The following CALCR variants were observed in gnomAD, a reference collection of about 807,000 sequenced individuals.
The protein encoded by CALCR is calcitonin receptor.
In CALCR, 47 loss-of-function variants were observed where a neutral mutation model predicts 59.5. That is an observed-to-expected ratio of 0.79 (90% confidence interval 0.63 to 1.01). CALCR has a LOEUF of 1.01. Among genes scored for constraint, CALCR ranks in the 50% least tolerant of loss-of-function variants. The pLI is 0.00. For synonymous variants in CALCR, 213 were observed against 211.3 expected (o/e 1.01, Z -0.07); for missense variants, 566 against 597.1 (o/e 0.95, Z 0.54).
intron 2 of CALCR, among the ~76,000 whole-genome samples, chr7:93,508,586 G>T (rs920224373): frequency 6.6e-6 from 1 of 152,084 alleles, no homozygotes; most frequent in Non-Finnish European, 1.5e-5. Context: ...TGGTCTAATG[G>T]GTAGGGTCAT....
At chr7:93,497,342 A>C (rs573212798) in intron 2 of CALCR, among the ~76,000 whole-genome samples, 13 of 151,644 alleles carry the variant, frequency 8.6e-5, no homozygotes, top group Non-Finnish European at 1.5e-4. Flanking sequence ...TGTAGCTTGC[A>C]TTATGTGTAT....
At chr7:93,552,769 C>T (rs1181912063) in intron 2 of CALCR, among the ~76,000 whole-genome samples, 1 of 152,126 alleles carries the variant, frequency 6.6e-6, no homozygotes, top group Non-Finnish European at 1.5e-5. Flanking sequence ...ATTTGTGAAT[C>T]TCAAATAACA....
At chr7:93,520,719 T>C (rs1417626221) in intron 2 of CALCR, among the ~76,000 whole-genome samples, 1 of 152,178 alleles carries the variant, frequency 6.6e-6, no homozygotes, top group African/African-American at 2.4e-5. Flanking sequence ...AATGCAGGTT[T>C]CTTCTATAGA....
intron 2 of CALCR, among the ~76,000 whole-genome samples, chr7:93,544,118 T>C (rs1048127319): frequency 8.6e-5 from 13 of 151,848 alleles, no homozygotes; most frequent in Non-Finnish European, 7.4e-5. Context: ...CGTTAAGAGA[T>C]AGTAACTTTT....
chr7:93,473,383 C>T (rs1161241378), intron 5 of CALCR, among the ~76,000 whole-genome samples: 7 of 151,750 alleles, frequency 4.6e-5, no homozygotes, highest in Non-Finnish European at 1.0e-4. Context: ...TCCGAGTCTA[C>T]TTGATTCCAA....
rs552765570 is a variant in CALCR at position 93,547,678 on chromosome 7, T to C, written c.-27+26611A>G. Among the ~76,000 whole-genome samples the C allele has an allele frequency of 3.3e-5, 5 of 152,244 alleles. No homozygotes were observed. The South Asian group carries it at 8.3e-4, about 25-fold the overall frequency. On this transcript the variant is annotated intron_variant, in intron 2 of 13. Coordinates refer to ENST00000426151, the MANE Select transcript of CALCR (RefSeq NM_001742.4). ...GGTGCTCCCAGCTCAATCACAGCAA[T>C]AGATAATCCCACGCAATTATGTTTC...
rs1389823285 is a variant in CALCR, at chr7:93,537,954, T to C, written c.-27+36335A>G. Among the ~76,000 whole-genome samples the C allele has an allele frequency of 2.6e-5, 4 of 151,952 alleles. No individual in the cohort carries two copies. The East Asian group carries it at 7.7e-4, about 29-fold the overall frequency. ...TTAGTTTATTTAAAATGGGTATTATTAAATAAAACATTTATCATATTTTTC... is the reference window on the plus strand; with the variant it reads ...TTAGTTTATTTAAAATGGGTATTATCAAATAAAACATTTATCATATTTTTC... On this transcript the variant is annotated intron_variant, in intron 2 of 13. Coordinates refer to ENST00000426151, the MANE Select transcript of CALCR (RefSeq NM_001742.4).
intron 13 of CALCR, among the ~76,000 whole-genome samples, chr7:93,427,061 G>T (rs1799546002): frequency 6.6e-6 from 1 of 152,150 alleles, no homozygotes; most frequent in South Asian, 2.1e-4. Flanking sequence ...ACTTTTCCTT[G>T]TCCGACATGA....
At chr7:93,462,204 T>C (rs1800352218) in intron 7 of CALCR, 4 of 618,454 alleles carry the variant, frequency 6.5e-6, no homozygotes, top group Non-Finnish European at 1.1e-5. Context: ...GAAGCGATTA[T>C]AGTAACTCAT....
chr7:93,444,750 G>T (rs1432682365), intron 8 of CALCR, among the ~76,000 whole-genome samples: 1 of 151,994 alleles, frequency 6.6e-6, no homozygotes, highest in Non-Finnish European at 1.5e-5. Context: ...ACGGAATTTA[G>T]CATTCAAAAT....
At chr7:93,458,849 C>T (rs898852298) in intron 8 of CALCR, among the ~76,000 whole-genome samples, 10 of 152,088 alleles carry the variant, frequency 6.6e-5, no homozygotes, top group Non-Finnish European at 1.5e-5. Context: ...TATGGATTCA[C>T]CAATTTTGCA....
chr7:93,475,858 A>G (rs1800655881), intron 5 of CALCR, among the ~76,000 whole-genome samples: 1 of 151,796 alleles, frequency 6.6e-6, no homozygotes, highest in African/African-American at 2.4e-5. Context: ...CACTCCCCAC[A>G]GATTTTCCGC....
At chr7:93,452,070 C>G (rs1249380174) in intron 8 of CALCR, among the ~76,000 whole-genome samples, 1 of 151,884 alleles carries the variant, frequency 6.6e-6, no homozygotes, top group Non-Finnish European at 1.5e-5. Flanking sequence ...TTATTGGGTA[C>G]TATGCTCACT....
intron 2 of CALCR, among the ~76,000 whole-genome samples, chr7:93,520,678 G>T (rs557877254): frequency 6.6e-6 from 1 of 152,208 alleles, no homozygotes; most frequent in South Asian, 2.1e-4. Flanking sequence ...CTTGGAGACA[G>T]CTAACTATAG....
At chr7:93,545,962 A>G (rs998413783) in intron 2 of CALCR, among the ~76,000 whole-genome samples, 13 of 152,086 alleles carry the variant, frequency 8.5e-5, no homozygotes, top group African/African-American at 3.1e-4. Flanking sequence ...ACACATATAT[A>G]TTTGAGTACT....
At chr7:93,464,346 C>A (rs942007630) in intron 7 of CALCR, among the ~76,000 whole-genome samples, 1 of 151,842 alleles carries the variant, frequency 6.6e-6, no homozygotes, top group African/African-American at 2.4e-5. Context: ...AAAAAGAAAA[C>A]AAGTAAAAGT....
chr7:93,491,469 A>C (rs958040355), intron 2 of CALCR, among the ~76,000 whole-genome samples: 1 of 152,128 alleles, frequency 6.6e-6, no homozygotes, highest in Non-Finnish European at 1.5e-5. Flanking sequence ...GTGAACCAGC[A>C]ATCTACAGAA....
chr7:93,504,252 G>GA (rs1354237911), intron 2 of CALCR, among the ~76,000 whole-genome samples: 2 of 152,012 alleles, frequency 1.3e-5, no homozygotes, highest in Non-Finnish European at 2.9e-5. Context: ...CCCCAACAGG[G>GA]AAAAAAACCA....
At position 93,477,541 on chromosome 7, in the gene CALCR, G is replaced by A; in HGVS notation, c.316+17C>T. The A allele has an allele frequency of 6.6e-7, 1 of 1,522,718 alleles. No homozygotes were observed. 94.3% of individuals were successfully genotyped at this position (1,522,718 alleles called of 1,614,324 possible). ...AAGCTTCATAGCAAGAACATAAAATGAAAATAAACACTCTACCTGATGGAT... is the reference window on the plus strand; with the variant it reads ...AAGCTTCATAGCAAGAACATAAAATAAAAATAAACACTCTACCTGATGGAT... On this transcript the variant is annotated intron_variant, in intron 5 of 13. Transcript: ENST00000426151.
Sources: gnomAD v4.1 joint callset for allele counts (sites outside exome capture counted in the v4.1 genomes callset) on GRCh38, gnomAD v4.1.1 for gene constraint, MANE v1.5 for transcripts, NCBI Gene and HGNC (gene_info 2026-07-23, HGNC 2026-07-21) for gene names.